TYW1B: variants seen among roughly 807,000 people sequenced by gnomAD.
TYW1B encodes the protein S-adenosyl-L-methionine-dependent tRNA 4-demethylwyosine synthase TYW1B.
A neutral mutation model predicts 86.9 loss-of-function variants in TYW1B; 73 were observed. That is an observed-to-expected ratio of 0.84 (90% CI 0.70 to 1.02). The LOEUF (loss-of-function observed/expected upper bound fraction) is 1.02. Ranked by LOEUF, TYW1B falls within the 50% of genes least tolerant of loss-of-function variation. The pLI, the probability that TYW1B is intolerant of heterozygous loss-of-function variation, is 0.00. For synonymous variants in TYW1B, 248 were observed against 292.8 expected (o/e 0.85, Z 1.56); for missense variants, 637 against 827.4 (o/e 0.77, Z 2.82).
At chr7:72,576,679 A>G (rs1380485710) in intron 13 of TYW1B, among the ~76,000 whole-genome samples, 3 of 151,916 alleles carry the variant, frequency 2.0e-5, no homozygotes, top group Non-Finnish European at 4.4e-5. Flanking sequence ...CACCTGGCTA[A>G]TTTTTTGTAT....
At chr7:72,702,154 A>C (rs1175888043) in intron 10 of TYW1B, among the ~76,000 whole-genome samples, 1 of 152,168 alleles carries the variant, frequency 6.6e-6, no homozygotes, top group Non-Finnish European at 1.5e-5. Context: ...GTGAAGCTAA[A>C]CAATTGTCTA....
intron 11 of TYW1B, among the ~76,000 whole-genome samples, chr7:72,670,225 CTTG>C (rs1813565609): frequency 6.6e-6 from 1 of 152,190 alleles, no homozygotes; most frequent in Non-Finnish European, 1.5e-5. Context: ...GAGTTCCACT[CTTG>C]TTGCCCAGGC....
intron 6 of TYW1B, among the ~76,000 whole-genome samples, chr7:72,782,305 T>TA (rs1296608008): frequency 4.6e-5 from 7 of 151,778 alleles, no homozygotes; most frequent in South Asian, 4.2e-4. Flanking sequence ...TAAAAAAATT[T>TA]AAAAAAAATC....
rs201834607 is a variant in TYW1B, at chr7:72,818,636, TA to T, written c.136-3156del. Reference sequence around the variant, plus strand: ...AAATACTTGAGACTGGGCAATTTATTAAAAAAAAGACGTTTAATTGGCTCAC... The same window carrying T: ...AAATACTTGAGACTGGGCAATTTATTAAAAAAAGACGTTTAATTGGCTCAC... On this transcript the variant is annotated intron_variant, in intron 2 of 13. Coordinates refer to ENST00000620995, the MANE Select transcript of TYW1B (RefSeq NM_001145440.3). Among the ~76,000 whole-genome samples the T allele has an allele frequency of 9.1e-3, 1,343 of 147,688 alleles. 19 individuals are homozygous for T. The highest frequency in any genetic ancestry group is 0.01 in the Non-Finnish European group (671 of 66,728).
chr7:72,678,825 G>A (rs2960943), intron 11 of TYW1B, among the ~76,000 whole-genome samples: 1 of 151,958 alleles, frequency 6.6e-6, no homozygotes. Context: ...ACAGGTATAA[G>A]CCAACGTGCC....
At position 72,585,924 on chromosome 7, in the gene TYW1B, C is replaced by T. The variant is rs1481627129; in HGVS notation, c.1786-10205G>A. Among the ~76,000 whole-genome samples, 5 of 152,178 alleles carry T rather than the reference C, an allele frequency of 3.3e-5. No homozygotes were observed. In the East Asian group the frequency reaches 9.7e-4, roughly 29 times the overall value. Reference sequence around the variant, plus strand: ...CACTTCATTTAGCCATCACAATCACCCCAGAAAACAGAGCTACTCCCATAT... The same window carrying T: ...CACTTCATTTAGCCATCACAATCACTCCAGAAAACAGAGCTACTCCCATAT... On this transcript the variant is annotated intron_variant, in intron 13 of 13. Coordinates refer to ENST00000620995, the MANE Select transcript of TYW1B (RefSeq NM_001145440.3).
intron 7 of TYW1B, among the ~76,000 whole-genome samples, chr7:72,759,071 C>T (rs1787644003): frequency 6.6e-6 from 1 of 152,186 alleles, no homozygotes; most frequent in South Asian, 2.1e-4. Flanking sequence ...TAGCTTATGC[C>T]TGTAATCCCA....
intron 11 of TYW1B, among the ~76,000 whole-genome samples, chr7:72,665,351 A>G (rs1204035027): frequency 6.6e-6 from 1 of 152,250 alleles, no homozygotes; most frequent in Non-Finnish European, 1.5e-5. Context: ...CAAAGAAGAC[A>G]GGAATCTGAG....
At chr7:72,593,483 TATC>T (rs1554431945) in intron 13 of TYW1B, among the ~76,000 whole-genome samples, 1 of 151,856 alleles carries the variant, frequency 6.6e-6, no homozygotes, top group Non-Finnish European at 1.5e-5. Flanking sequence ...AAAACATAGA[TATC>T]ATACAAAGCA....
At chr7:72,703,229 T>C (rs555706320) in intron 10 of TYW1B, among the ~76,000 whole-genome samples, 6 of 151,424 alleles carry the variant, frequency 4.0e-5, no homozygotes, top group African/African-American at 1.4e-4. Flanking sequence ...TATCACCGTG[T>C]TAGCCAGGAT....
At chr7:72,620,226 G>A (rs1812180225) in intron 12 of TYW1B, among the ~76,000 whole-genome samples, 1 of 151,824 alleles carries the variant, frequency 6.6e-6, no homozygotes, top group African/African-American at 2.4e-5. Context: ...GTGAAACCCT[G>A]TCTCTATTAA....
At chr7:72,730,976 G>C (rs1787095667) in intron 8 of TYW1B, among the ~76,000 whole-genome samples, 1 of 146,780 alleles carries the variant, frequency 6.8e-6, no homozygotes, top group Admixed American at 6.8e-5. Flanking sequence ...TAGTCAAACT[G>C]TCAAAAGACA....
rs1423319266 is a variant in TYW1B, at chr7:72,650,550, T to C, written c.1507-21553A>G. ...TGCATTATTTACTAAATAATATATATATAATGGACACATGGTCAAATAAGT... is the reference window on the plus strand; with the variant it reads ...TGCATTATTTACTAAATAATATATACATAATGGACACATGGTCAAATAAGT... On this transcript the variant is annotated intron_variant, in intron 11 of 13. Coordinates refer to ENST00000620995, the MANE Select transcript of TYW1B (RefSeq NM_001145440.3). 2.0e-5 allele frequency among the ~76,000 whole-genome samples: 3 copies of C among 152,096 alleles called. No individual in the cohort carries two copies. In the East Asian group the frequency reaches 5.8e-4, roughly 29 times the overall value.
intron 7 of TYW1B, among the ~76,000 whole-genome samples, chr7:72,745,849 GGGGTGTGTGTGTGT>G (rs1473691025): frequency 5.4e-4 from 70 of 130,114 alleles, no homozygotes; most frequent in African/African-American, 1.7e-3. Flanking sequence ...CACGTGTATA[GGGGTGTGTGTGTGT>G]GTGTGTGTGT....
At chr7:72,742,143 G>C (rs1787314787) in intron 8 of TYW1B, among the ~76,000 whole-genome samples, 1 of 152,090 alleles carries the variant, frequency 6.6e-6, no homozygotes, top group South Asian at 2.1e-4. Context: ...TCATTTGTTT[G>C]TTTTGAGACA....
intron 9 of TYW1B, among the ~76,000 whole-genome samples, chr7:72,720,651 C>T (rs1456125808): frequency 6.6e-6 from 1 of 152,142 alleles, no homozygotes; most frequent in Admixed American, 6.5e-5. Flanking sequence ...GGCTGTTACA[C>T]TGGTCCTCCC....
intron 7 of TYW1B, among the ~76,000 whole-genome samples, chr7:72,753,557 T>C (rs1304682097): frequency 6.6e-6 from 1 of 150,734 alleles, no homozygotes; most frequent in African/African-American, 2.4e-5. Context: ...CTTGGCTCAC[T>C]GCAACCTCTG....
At chr7:72,581,324 AC>A (rs1366657158) in intron 13 of TYW1B, among the ~76,000 whole-genome samples, 1 of 150,532 alleles carries the variant, frequency 6.6e-6, no homozygotes, top group African/African-American at 2.4e-5. Context: ...AAATGAGAAG[AC>A]CCTACTGACC....
intron 11 of TYW1B, among the ~76,000 whole-genome samples, chr7:72,678,095 T>C (rs1210115801): frequency 7.9e-5 from 12 of 152,200 alleles, no homozygotes; most frequent in African/African-American, 2.9e-4. Flanking sequence ...GCATGAATTA[T>C]TATATTAATT....
Sources: gnomAD v4.1 joint callset for allele counts (sites outside exome capture counted in the v4.1 genomes callset) on GRCh38, gnomAD v4.1.1 for gene constraint, MANE v1.5 for transcripts, NCBI Gene and HGNC (gene_info 2026-07-23, HGNC 2026-07-21) for gene names.